Variants in IL1RAPL1 observed in about 807,000 individuals in gnomAD.
The protein encoded by IL1RAPL1 is interleukin-1 receptor accessory protein-like 1.
A neutral mutation model predicts 48.4 loss-of-function variants in IL1RAPL1; 3 were observed. The observed-to-expected ratio is 0.06, with a 90% confidence interval of 0.03 to 0.16. IL1RAPL1 has a LOEUF of 0.16. Ranked by LOEUF, IL1RAPL1 falls within the 10% of genes least tolerant of loss-of-function variation. IL1RAPL1 has a pLI of 1.00. For missense variants in IL1RAPL1, 349 were observed against 530.6 expected (o/e 0.66, Z 3.36); for synonymous variants, 185 against 187.7 (o/e 0.99, Z 0.12).
intron 6 of IL1RAPL1, among the ~76,000 whole-genome samples, chrX:29,849,970 A>C (rs1347200050): frequency 8.9e-6 from 1 of 111,839 alleles, no homozygotes; most frequent in African/African-American, 3.3e-5. Context: ...CAAATCTTTT[A>C]CAGATTTCTC....
chrX:29,360,217 A>G (rs764077432), intron 3 of IL1RAPL1, among the ~76,000 whole-genome samples: 1 of 112,223 alleles, frequency 8.9e-6, no homozygotes, highest in African/African-American at 3.2e-5. Flanking sequence ...ATGAATGAGC[A>G]AACTGGGACT....
chrX:29,811,186 A>G (rs768764171), intron 6 of IL1RAPL1, among the ~76,000 whole-genome samples: 1 of 110,963 alleles, frequency 9.0e-6, no homozygotes, highest in Non-Finnish European at 1.9e-5. Flanking sequence ...AGGAACAGAG[A>G]GAAGTAGAAA....
chrX:29,439,778 G>T (rs1363599962), intron 5 of IL1RAPL1, among the ~76,000 whole-genome samples: 1 of 107,424 alleles, frequency 9.3e-6, no homozygotes, highest in Non-Finnish European at 1.9e-5. Context: ...ATGAGAAAAT[G>T]CTTCAGAATA....
At chrX:28,724,601 G>A (rs981239946) in intron 1 of IL1RAPL1, among the ~76,000 whole-genome samples, 2 of 110,986 alleles carry the variant, frequency 1.8e-5, no homozygotes, top group Non-Finnish European at 1.9e-5. Context: ...TTACATTTAA[G>A]GTTAATATTG....
rs192892317 is a variant in IL1RAPL1 at position 29,813,482 on chromosome X, G to T, written c.779-103982G>T. Among the ~76,000 whole-genome samples, 423 of 111,735 alleles carry T rather than the reference G, an allele frequency of 3.8e-3. 3 individuals are homozygous for T. The highest frequency in any genetic ancestry group is 0.013 in the African/African-American group (398 of 30,838). On this transcript the variant is annotated intron_variant, in intron 6 of 10. Transcript: ENST00000378993. ...AATCAGTTTGCTTGGGGCTTTATTT[G>T]TATCATTATTTTCTAGCATTTTACC...
intron 2 of IL1RAPL1, among the ~76,000 whole-genome samples, chrX:29,151,839 T>C (rs1003082360): frequency 3.6e-5 from 4 of 110,793 alleles, no homozygotes; most frequent in African/African-American, 1.3e-4. Context: ...TGAAAGGACT[T>C]AGATATGAAA....
intron 5 of IL1RAPL1, among the ~76,000 whole-genome samples, chrX:29,627,886 G>A (rs935882441): frequency 1.6e-4 from 18 of 112,245 alleles, no homozygotes; most frequent in African/African-American, 5.5e-4. Flanking sequence ...TAACATTGCA[G>A]TCATATTCTA....
At chrX:29,803,428 TATGTATAC>T (rs1930149438) in intron 6 of IL1RAPL1, among the ~76,000 whole-genome samples, 1 of 96,808 alleles carries the variant, frequency 1.0e-5, no homozygotes, top group African/African-American at 3.7e-5. Context: ...TATGTGTATA[TATGTATAC>T]ATCTATGTAT....
In IL1RAPL1 at chrX:28,762,235, AAAG is replaced by A. The variant is rs1259169503; in HGVS notation, c.-24-27082_-24-27080del. 5.4e-5 allele frequency among the ~76,000 whole-genome samples: 6 copies of A among 112,100 alleles called. No homozygotes were observed. The East Asian group carries it at 1.1e-3, about 21-fold the overall frequency. On this transcript the variant is annotated intron_variant, in intron 1 of 10. Coordinates refer to ENST00000378993, the MANE Select transcript of IL1RAPL1 (RefSeq NM_014271.4). ...ATAAATGATGAAAGACATTATAAAA[AAAG>A]AACATAAAACAATGACTAACTGGAA...
chrX:28,883,916 GT>G, intron 2 of IL1RAPL1, among the ~76,000 whole-genome samples: 1 of 111,076 alleles, frequency 9.0e-6, no homozygotes, highest in Non-Finnish European at 1.9e-5. Flanking sequence ...TTTGTTCTTT[GT>G]TTTTTTGTTT....
intron 6 of IL1RAPL1, among the ~76,000 whole-genome samples, chrX:29,862,969 T>TAAAAA (rs1206630965): frequency 1.6e-5 from 1 of 61,549 alleles, no homozygotes; most frequent in Admixed American, 2.0e-4. Flanking sequence ...TTGGCATACT[T>TAAAAA]AAAAAAAAAA....
At chrX:28,896,257 GT>G (rs1922915139) in intron 2 of IL1RAPL1, among the ~76,000 whole-genome samples, 1 of 112,046 alleles carries the variant, frequency 8.9e-6, no homozygotes, top group South Asian at 3.7e-4. Flanking sequence ...CTGTTGTGGG[GT>G]TTGAGGGCTG....
intron 6 of IL1RAPL1, among the ~76,000 whole-genome samples, chrX:29,802,769 A>ATG (rs1929954657): frequency 7.2e-5 from 2 of 27,631 alleles, no homozygotes; most frequent in Non-Finnish European, 1.2e-4. Context: ...ATATATATAT[A>ATG]TATATATATA....
At chrX:28,837,239 G>A (rs1921244946) in intron 2 of IL1RAPL1, among the ~76,000 whole-genome samples, 1 of 110,367 alleles carries the variant, frequency 9.1e-6, no homozygotes, top group African/African-American at 3.3e-5. Flanking sequence ...TTATTTATGA[G>A]AATTTTGGTG....
At chrX:29,404,905 G>T (rs761060306) in intron 5 of IL1RAPL1, among the ~76,000 whole-genome samples, 69 of 76,547 alleles carry the variant, frequency 9.0e-4, no homozygotes, top group African/African-American at 2.9e-3. Context: ...GAATTTTTTT[G>T]TTTGTTTGTT....
chrX:28,784,199 C>T (rs941851252), intron 1 of IL1RAPL1, among the ~76,000 whole-genome samples: 4 of 111,890 alleles, frequency 3.6e-5, no homozygotes, highest in Non-Finnish European at 7.5e-5. Context: ...GGAAATCTAT[C>T]TCATAACATG....
At chrX:28,981,032 C>T (rs745348753) in intron 2 of IL1RAPL1, among the ~76,000 whole-genome samples, 4 of 84,924 alleles carry the variant, frequency 4.7e-5, no homozygotes, top group Non-Finnish European at 8.5e-5. Flanking sequence ...TTGAGAGTGC[C>T]GTGAACTATG....
intron 3 of IL1RAPL1, among the ~76,000 whole-genome samples, chrX:29,326,723 G>C (rs746313648): frequency 3.6e-5 from 4 of 111,033 alleles, no homozygotes; most frequent in African/African-American, 6.6e-5. Context: ...TTTCTCATTC[G>C]CACAATGACT....
chrX:29,933,671 AAAGAG>A (rs1327961909), intron 8 of IL1RAPL1, among the ~76,000 whole-genome samples: 6 of 110,231 alleles, frequency 5.4e-5, no homozygotes, highest in African/African-American at 1.6e-4. Context: ...AAAAAAAAAA[AAAGAG>A]AGAGAAGACA....
Sources: gnomAD v4.1 joint callset for allele counts (sites outside exome capture counted in the v4.1 genomes callset) on GRCh38, gnomAD v4.1.1 for gene constraint, MANE v1.5 for transcripts, NCBI Gene and HGNC (gene_info 2026-07-23, HGNC 2026-07-21) for gene names.